The following KLF12 variants were observed in gnomAD, a reference collection of about 807,000 sequenced individuals.
KLF12 encodes the protein Krueppel-like factor 12.
In KLF12, 9 loss-of-function variants were observed where a neutral mutation model predicts 37.8. That is an observed-to-expected ratio of 0.24 (90% confidence interval 0.14 to 0.42). The LOEUF (loss-of-function observed/expected upper bound fraction) is 0.42. Among genes scored for constraint, KLF12 ranks in the 10% least tolerant of loss-of-function variants. The probability of loss-of-function intolerance (pLI) is 1.00; values close to 1 mark genes in which losing one functional copy is unlikely to be tolerated. For missense variants in KLF12, 411 were observed against 516.0 expected (o/e 0.80, Z 1.97); for synonymous variants, 208 against 202.1 (o/e 1.03, Z -0.25).
In KLF12 at chr13:73,767,707, A is replaced by G. The variant is rs141763811; in HGVS notation, c.807-2707T>C. On this transcript the variant is annotated intron_variant, in intron 5 of 7. Coordinates refer to ENST00000377669, the MANE Select transcript of KLF12 (RefSeq NM_007249.5). ...GCATGTTTATAATTTTACCCAGTGC[A>G]GAGCTTAATTTAGCTTTCTTGCTAA... Among the ~76,000 whole-genome samples the G allele has an allele frequency of 4.7e-3, 709 of 152,334 alleles. 5 individuals carry two copies. Among genetic ancestry groups the G allele is most frequent in the African/African-American group, 0.015 (637 of 41,572 alleles).
chr13:73,965,612 G>A (rs1177131121), intron 2 of KLF12, among the ~76,000 whole-genome samples: 1 of 152,152 alleles, frequency 6.6e-6, no homozygotes, highest in Non-Finnish European at 1.5e-5. Context: ...ATAACGTGGA[G>A]GCTGACTTAG....
intron 1 of KLF12, among the ~76,000 whole-genome samples, chr13:74,007,823 A>G (rs1325614258): frequency 6.6e-6 from 1 of 152,126 alleles, no homozygotes; most frequent in Admixed American, 6.5e-5. Context: ...AAACATTTAT[A>G]CCTGGAAATT....
intron 7 of KLF12, among the ~76,000 whole-genome samples, chr13:73,704,868 T>C (rs1874822969): frequency 6.6e-6 from 1 of 152,190 alleles, no homozygotes; most frequent in Non-Finnish European, 1.5e-5. Context: ...TAAAGACTTG[T>C]TGATCAAAGG....
At chr13:73,982,063 A>ACT (rs1555331178) in intron 2 of KLF12, among the ~76,000 whole-genome samples, 1 of 151,834 alleles carries the variant, frequency 6.6e-6, no homozygotes, top group Non-Finnish European at 1.5e-5. Context: ...CAAATACTTA[A>ACT]TAAATTATCT....
At chr13:74,234,976 C>T in the KLF12 span, among the ~76,000 whole-genome samples, 1 of 152,200 alleles carries the variant, frequency 6.6e-6, no homozygotes, top group Non-Finnish European at 1.5e-5. Context: ...ATCTAACTAT[C>T]TATCCTCTAT....
chr13:73,726,364 T>G (rs936732285), intron 6 of KLF12, among the ~76,000 whole-genome samples: 1 of 152,210 alleles, frequency 6.6e-6, no homozygotes, highest in Non-Finnish European at 1.5e-5. Flanking sequence ...CATATTGTTA[T>G]ACAATCATTA....
intron 2 of KLF12, among the ~76,000 whole-genome samples, chr13:73,964,389 C>T (rs79745384): frequency 0.022 from 3,357 of 152,256 alleles, 60 homozygotes; most frequent in Non-Finnish European, 0.035. Flanking sequence ...AACACAGAAG[C>T]TCAAAACAGC....
chr13:74,094,314 A>T (rs185927676), intron 1 of KLF12, among the ~76,000 whole-genome samples: 77 of 152,336 alleles, frequency 5.1e-4, no homozygotes, highest in African/African-American at 8.4e-4. Flanking sequence ...GAATTTAGAA[A>T]ATAGTTCTTG....
chr13:74,179,240 T>C, the KLF12 span, among the ~76,000 whole-genome samples: 3 of 152,174 alleles, frequency 2.0e-5, no homozygotes, highest in African/African-American at 7.2e-5. Flanking sequence ...GAAAGCCCAT[T>C]TGGACAGGAG....
intron 3 of KLF12, among the ~76,000 whole-genome samples, chr13:73,865,700 TTA>T (rs1206900926): frequency 6.6e-6 from 1 of 152,118 alleles, no homozygotes; most frequent in Non-Finnish European, 1.5e-5. Flanking sequence ...TTAAAAATTT[TTA>T]GAGTTATCCA....
At chr13:74,248,490 AG>A in the KLF12 span, among the ~76,000 whole-genome samples, 1 of 152,238 alleles carries the variant, frequency 6.6e-6, no homozygotes, top group Non-Finnish European at 1.5e-5. Flanking sequence ...AGAAACTAGG[AG>A]AAATAGCCTT....
chr13:74,106,967 C>T (rs567979459), intron 1 of KLF12, among the ~76,000 whole-genome samples: 1 of 152,002 alleles, frequency 6.6e-6, no homozygotes, highest in Non-Finnish European at 1.5e-5. Flanking sequence ...ACACCTTAGA[C>T]TGGTTAATCT....
chr13:74,110,748 G>A (rs1876923265), intron 1 of KLF12, among the ~76,000 whole-genome samples: 1 of 151,986 alleles, frequency 6.6e-6, no homozygotes, highest in South Asian at 2.1e-4. Flanking sequence ...CTCAAATGAG[G>A]GCACTGAGGT....
At chr13:73,857,062 G>A (rs1885648905) in intron 3 of KLF12, among the ~76,000 whole-genome samples, 1 of 152,024 alleles carries the variant, frequency 6.6e-6, no homozygotes, top group South Asian at 2.1e-4. Context: ...TAAAAAAGGA[G>A]TCAAGGAAAG....
chr13:73,746,856 C>T (rs1878409097), intron 6 of KLF12, among the ~76,000 whole-genome samples: 1 of 118,476 alleles, frequency 8.4e-6, no homozygotes. Flanking sequence ...GCTCTGTCGC[C>T]CAGGCTGGAG....
At chr13:73,774,306 A>C (rs572969240) in intron 5 of KLF12, among the ~76,000 whole-genome samples, 5 of 147,868 alleles carry the variant, frequency 3.4e-5, no homozygotes, top group South Asian at 2.1e-4. Flanking sequence ...ACACACATCT[A>C]TATATATATA....
chr13:74,211,005 A>G, the KLF12 span, among the ~76,000 whole-genome samples: 1 of 152,224 alleles, frequency 6.6e-6, no homozygotes, highest in Admixed American at 6.5e-5. Flanking sequence ...CCTGTAGCCC[A>G]GAGAGTCTCT....
chr13:74,002,178 T>A (rs1413645073), intron 1 of KLF12, among the ~76,000 whole-genome samples: 1 of 152,182 alleles, frequency 6.6e-6, no homozygotes, highest in African/African-American at 2.4e-5. Flanking sequence ...ATATCATCTA[T>A]GTATCTCCGA....
At chr13:73,769,928 G>A (rs1880161897) in intron 5 of KLF12, among the ~76,000 whole-genome samples, 1 of 152,042 alleles carries the variant, frequency 6.6e-6, no homozygotes, top group Non-Finnish European at 1.5e-5. Flanking sequence ...AGCAAGACTA[G>A]ATATTTTATA....
Sources: gnomAD v4.1 joint callset for allele counts (sites outside exome capture counted in the v4.1 genomes callset) on GRCh38, gnomAD v4.1.1 for gene constraint, MANE v1.5 for transcripts, NCBI Gene and HGNC (gene_info 2026-07-23, HGNC 2026-07-21) for gene names.